Variants in CHD7 observed in about 807,000 individuals in gnomAD.
CHD7 encodes ATP-dependent chromatin remodeler CHD7.
Under a neutral mutation model 307.3 loss-of-function variants are expected in CHD7, and 24 were observed. The ratio of observed to expected loss-of-function variants is 0.08; its 90% CI spans 0.06 to 0.11. CHD7 has a LOEUF of 0.11. CHD7 is among the 10% of genes least tolerant of loss of function. The pLI is 1.00. For synonymous variants in CHD7, 1,363 were observed against 1,349.9 expected, an observed-to-expected ratio of 1.01 and a Z score of -0.21; for missense variants, 3,106 against 3,727.1, an observed-to-expected ratio of 0.83 and a Z score of 4.34.
In CHD7 at chr8:60,800,330, C is replaced by T; in HGVS notation, c.2239-58C>T. 9 of 1,571,452 alleles carry T rather than the reference C, an allele frequency of 5.7e-6. No individual in the cohort carries two copies. The South Asian group carries it at 1.0e-4, about 18-fold the overall frequency. The stretch of plus-strand genomic sequence containing the variant: ...TACAGGCGTGAGCCACTGCGCTCGG[C>T]CACATTTTTCTTTTTAATCATTAAT... On this transcript the variant is annotated intron_variant, in intron 4 of 37. Transcript: ENST00000423902.
At chr8:60,746,080 G>GC (rs1809308149) in intron 2 of CHD7, among the ~76,000 whole-genome samples, 1 of 152,042 alleles carries the variant, frequency 6.6e-6, no homozygotes, top group Non-Finnish European at 1.5e-5. Flanking sequence ...CTGTTGCCAG[G>GC]CTGGAGTCAG....
At chr8:60,768,535 A>C (rs538858654) in intron 2 of CHD7, among the ~76,000 whole-genome samples, 24 of 152,368 alleles carry the variant, frequency 1.6e-4, no homozygotes, top group Admixed American at 1.4e-3. Context: ...AGCACCGCTC[A>C]GACCCTGCCC....
intron 3 of CHD7, among the ~76,000 whole-genome samples, chr8:60,785,511 T>C (rs1811450353): frequency 1.3e-5 from 2 of 152,220 alleles, no homozygotes; most frequent in Non-Finnish European, 1.5e-5. Context: ...GTAGTAGTAT[T>C]TGTATAGCAG....
intron 11 of CHD7, 113 bp from the exon 12 acceptor site, chr8:60,822,390 T>A (rs917492126): frequency 1.4e-5 from 14 of 1,033,462 alleles, no homozygotes; most frequent in Non-Finnish European, 1.4e-6. Context: ...TAAGAGAACA[T>A]CTAAAGCCTT....
intron 4 of CHD7, among the ~76,000 whole-genome samples, chr8:60,796,170 G>A (rs1812022965): frequency 6.6e-6 from 1 of 152,196 alleles, no homozygotes; most frequent in Non-Finnish European, 1.5e-5. Flanking sequence ...GAGATGAAGT[G>A]AATGAATATG....
chr8:60,828,283 G>A (rs1477546562), intron 13 of CHD7, among the ~76,000 whole-genome samples: 1 of 152,220 alleles, frequency 6.6e-6, no homozygotes, highest in East Asian at 1.9e-4. Context: ...CACTGTTGAT[G>A]TAGAGAGCAG....
chr8:60,736,031 G>A (rs896492166), intron 1 of CHD7, among the ~76,000 whole-genome samples: 2 of 152,130 alleles, frequency 1.3e-5, no homozygotes, highest in African/African-American at 4.8e-5. Context: ...ATACTAATGA[G>A]GAAGAAAATG....
rs1272251852 is a variant in CHD7, at chr8:60,709,391, C to T, written c.-175+30309C>T. On this transcript the variant is annotated intron_variant, in intron 1 of 37. Transcript: ENST00000423902. ...CGTTTATTCACTTTATTTTTGTATT[C>T]CTGTAGCAGCCAGCAAACAGCTTAG... Among the ~76,000 whole-genome samples the T allele has an allele frequency of 2.0e-5, 3 of 152,208 alleles. No homozygotes were observed. The South Asian group carries it at 6.2e-4, about 32-fold the overall frequency.
chr8:60,849,191 A>G lies in CHD7; in HGVS notation c.5404+37A>G, dbSNP rs774221111. The G allele has an allele frequency of 1.6e-5, 21 of 1,320,796 alleles. No individual in the cohort carries two copies. In the East Asian group the frequency reaches 4.4e-4, roughly 28 times the overall value. The allele number at this position is 1,320,796 out of a possible 1,614,324, so 81.8% of individuals were successfully genotyped here. A position where few individuals can be genotyped will look rare whatever the true frequency, so the allele number is the denominator to read the frequency against. ...TTCTGTTTGAATACATCTCAACTGTATGGCTTGGTCTTTATTTAGAACTCT... is the reference window on the plus strand; with the variant it reads ...TTCTGTTTGAATACATCTCAACTGTGTGGCTTGGTCTTTATTTAGAACTCT... On this transcript the variant is annotated intron_variant, in intron 25 of 37. Coordinates refer to ENST00000423902, the MANE Select transcript of CHD7 (RefSeq NM_017780.4).
At chr8:60,801,408 A>C (rs1478664438) in intron 5 of CHD7, 120 bp from the exon 6 acceptor site, 1 of 703,924 alleles carries the variant, frequency 1.4e-6, no homozygotes, top group African/African-American at 1.8e-5. Context: ...CTCACTGATA[A>C]CTTTGTACCC....
At chr8:60,714,992 G>A (rs1418041993) in intron 1 of CHD7, among the ~76,000 whole-genome samples, 1 of 152,258 alleles carries the variant, frequency 6.6e-6, no homozygotes, top group Admixed American at 6.5e-5. Context: ...GCAGCCACAA[G>A]AATAGGAAAG....
intron 3 of CHD7, among the ~76,000 whole-genome samples, chr8:60,787,509 TTTAA>T (rs1198896534): frequency 6.6e-6 from 1 of 152,186 alleles, no homozygotes; most frequent in Non-Finnish European, 1.5e-5. Flanking sequence ...GTCTAATTGG[TTTAA>T]TTCTTTATGT....
At chr8:60,762,673 A>G (rs749425400) in intron 2 of CHD7, among the ~76,000 whole-genome samples, 1 of 152,194 alleles carries the variant, frequency 6.6e-6, no homozygotes, top group Non-Finnish European at 1.5e-5. Flanking sequence ...TTTTGCTGCT[A>G]CTAGGACTCT....
chr8:60,698,222 T>C (rs1806581689), intron 1 of CHD7, among the ~76,000 whole-genome samples: 1 of 152,180 alleles, frequency 6.6e-6, no homozygotes, highest in Admixed American at 6.5e-5. Flanking sequence ...TTGTCAGAAG[T>C]TTAAAATCAA....
At chr8:60,843,457 C>T (rs1322653725) in intron 21 of CHD7, among the ~76,000 whole-genome samples, 1 of 152,198 alleles carries the variant, frequency 6.6e-6, no homozygotes, top group African/African-American at 2.4e-5. Flanking sequence ...GTCTTTCAGT[C>T]GAGCCCTTCC....
At chr8:60,759,482 TCTCTCC>T (rs145962670) in intron 2 of CHD7, among the ~76,000 whole-genome samples, 5,144 of 143,710 alleles carry the variant, frequency 0.036, 188 homozygotes, top group African/African-American at 0.088. Context: ...CCTCTCTCCC[TCTCTCC>T]CTCTCCCTCT....
Position 60,694,218 on chromosome 8 carries a change from T to C in CHD7, c.-175+15136T>C, listed in dbSNP as rs1029005208. 3.9e-5 allele frequency among the ~76,000 whole-genome samples: 6 copies of C among 152,248 alleles called. 1 individual carries two copies. The highest frequency in any genetic ancestry group is 2.1e-4 in the South Asian group (1 of 4,830). Reference sequence around the variant, plus strand: ...TAGATGTGCCTGGTGAAAAATGTTATTAACTTTTTTCAAAGATAAATAAGA... The same window carrying C: ...TAGATGTGCCTGGTGAAAAATGTTACTAACTTTTTTCAAAGATAAATAAGA... On this transcript the variant is annotated intron_variant, in intron 1 of 37. Transcript: ENST00000423902.
At chr8:60,684,270 C>T (rs1279082917) in intron 1 of CHD7, among the ~76,000 whole-genome samples, 1 of 152,164 alleles carries the variant, frequency 6.6e-6, no homozygotes, top group Non-Finnish European at 1.5e-5. Context: ...TTGAGCCTTG[C>T]TTCCTCTGTG....
intron 2 of CHD7, among the ~76,000 whole-genome samples, chr8:60,750,929 AAGT>A (rs1178270799): frequency 6.6e-6 from 1 of 152,222 alleles, no homozygotes; most frequent in Non-Finnish European, 1.5e-5. Context: ...AAGGTTAAGG[AAGT>A]AGTAGCGGTG....
Sources: gnomAD v4.1 joint callset for allele counts (sites outside exome capture counted in the v4.1 genomes callset) on GRCh38, gnomAD v4.1.1 for gene constraint, MANE v1.5 for transcripts, NCBI Gene and HGNC (gene_info 2026-07-23, HGNC 2026-07-21) for gene names.